MACROD2: variants seen among roughly 807,000 people sequenced by gnomAD.
MACROD2 encodes the protein mono-ADP ribosylhydrolase 2, also known as ADP-ribose glycohydrolase MACROD2.
Under a neutral mutation model 70.4 loss-of-function variants are expected in MACROD2, and 36 were observed. That is an observed-to-expected ratio of 0.51 (90% CI 0.39 to 0.68). The LOEUF (loss-of-function observed/expected upper bound fraction) is 0.68, where lower values mean the gene tolerates loss of function less well. MACROD2 is among the 30% of genes least tolerant of loss of function. MACROD2 has a pLI of 0.00. For missense variants in MACROD2, 496 were observed against 538.4 expected (o/e 0.92, Z 0.78); for synonymous variants, 172 against 178.8 (o/e 0.96, Z 0.30).
chr20:15,508,008 T>C (rs2047450295), intron 8 of MACROD2, among the ~76,000 whole-genome samples: 1 of 152,198 alleles, frequency 6.6e-6, no homozygotes, highest in Non-Finnish European at 1.5e-5. Context: ...CTGTCACCCA[T>C]TCTTACTCTG....
chr20:16,020,107 A>G (rs1328661815), intron 15 of MACROD2, among the ~76,000 whole-genome samples: 1 of 152,116 alleles, frequency 6.6e-6, no homozygotes, highest in Non-Finnish European at 1.5e-5. Flanking sequence ...TGAAACTTCC[A>G]CGGGTCCCAT....
intron 4 of MACROD2, among the ~76,000 whole-genome samples, chr20:14,624,703 G>A (rs1984032715): frequency 6.6e-6 from 1 of 152,184 alleles, no homozygotes; most frequent in South Asian, 2.1e-4. Flanking sequence ...CTTTCCACAT[G>A]TGAGGGACCA....
chr20:15,931,847 T>G lies in MACROD2; in HGVS notation c.776-1429T>G, dbSNP rs75206496. ...ATCTAAATGTTTCCCCATCTGAAAC[T>G]TTCTTCAGTAGGTCGTTTTCCAGAG... On this transcript the variant is annotated intron_variant, in intron 10 of 17. Transcript: ENST00000684519. 3.1e-3 allele frequency among the ~76,000 whole-genome samples: 471 copies of G among 152,280 alleles called. 9 individuals carry two copies. In the East Asian group the frequency reaches 0.062, roughly 20 times the overall value.
At chr20:15,615,118 G>GGAGAC (rs1321236944) in intron 8 of MACROD2, among the ~76,000 whole-genome samples, 2 of 152,102 alleles carry the variant, frequency 1.3e-5, no homozygotes, top group Admixed American at 1.3e-4. Flanking sequence ...GTGGTTCTGA[G>GGAGAC]GAGACGACAG....
At chr20:14,559,507 A>T (rs1167759467) in intron 4 of MACROD2, among the ~76,000 whole-genome samples, 2 of 151,632 alleles carry the variant, frequency 1.3e-5, no homozygotes, top group African/African-American at 4.8e-5. Flanking sequence ...ATATACTCGA[A>T]TTCCTATTAC....
intron 9 of MACROD2, among the ~76,000 whole-genome samples, chr20:15,873,918 T>A (rs1601032093): frequency 1.3e-5 from 2 of 152,122 alleles, no homozygotes; most frequent in African/African-American, 2.4e-5. Flanking sequence ...TATTATTATT[T>A]TTTATTTGTT....
intron 6 of MACROD2, among the ~76,000 whole-genome samples, chr20:15,320,720 A>G (rs970450357): frequency 4.6e-5 from 7 of 152,146 alleles, no homozygotes; most frequent in African/African-American, 1.4e-4. Flanking sequence ...AACATTATCT[A>G]TGGTCATCAG....
chr20:15,078,332 T>C (rs1344055344), intron 5 of MACROD2, among the ~76,000 whole-genome samples: 1 of 152,086 alleles, frequency 6.6e-6, no homozygotes, highest in Admixed American at 6.6e-5. Context: ...AAGTACCCCT[T>C]CTCCTAAGAA....
At chr20:15,311,202 T>C (rs1380127673) in intron 6 of MACROD2, among the ~76,000 whole-genome samples, 1 of 152,136 alleles carries the variant, frequency 6.6e-6, no homozygotes, top group Non-Finnish European at 1.5e-5. Context: ...TAACCTGTAG[T>C]ATTAATGATG....
At chr20:14,459,102 C>CT (rs1393642687) in intron 3 of MACROD2, among the ~76,000 whole-genome samples, 3 of 151,984 alleles carry the variant, frequency 2.0e-5, no homozygotes, top group African/African-American at 7.3e-5. Flanking sequence ...TCTAAGAACT[C>CT]TGAGTCTTGT....
intron 3 of MACROD2, among the ~76,000 whole-genome samples, chr20:14,365,520 G>A (rs761862468): frequency 2.6e-4 from 40 of 151,734 alleles, no homozygotes; most frequent in Admixed American, 5.9e-4. Flanking sequence ...TCTTAGTCCA[G>A]CTAAAGGTTT....
intron 4 of MACROD2, among the ~76,000 whole-genome samples, chr20:14,662,227 A>G (rs1193542048): frequency 6.6e-6 from 1 of 152,134 alleles, no homozygotes; most frequent in Non-Finnish European, 1.5e-5. Flanking sequence ...CCTGACAATA[A>G]CACACAGTAG....
intron 5 of MACROD2, among the ~76,000 whole-genome samples, chr20:14,994,064 A>G (rs2074928836): frequency 6.6e-6 from 1 of 152,180 alleles, no homozygotes; most frequent in Non-Finnish European, 1.5e-5. Flanking sequence ...GACATCCAAG[A>G]GTTTTAGGAT....
chr20:15,485,913 G>A (rs116792992), intron 7 of MACROD2, among the ~76,000 whole-genome samples: 3,344 of 152,156 alleles, frequency 0.022, 130 homozygotes, highest in African/African-American at 0.073. Context: ...TGCAATTATT[G>A]CATGAATCGC....
chr20:14,421,917 T>C (rs1416872360), intron 3 of MACROD2, among the ~76,000 whole-genome samples: 2 of 152,158 alleles, frequency 1.3e-5, no homozygotes, highest in Non-Finnish European at 2.9e-5. Context: ...TCTAATTTGT[T>C]TACAGTTTTG....
intron 6 of MACROD2, among the ~76,000 whole-genome samples, chr20:15,339,822 T>A (rs576638130): frequency 6.6e-6 from 1 of 151,872 alleles, no homozygotes; most frequent in South Asian, 2.1e-4. Context: ...TGGCTACATA[T>A]CATTTGGCCT....
chr20:14,718,235 G>A (rs1415258582), intron 5 of MACROD2, among the ~76,000 whole-genome samples: 1 of 143,010 alleles, frequency 7.0e-6, no homozygotes, highest in African/African-American at 2.6e-5. Flanking sequence ...GGAGGTTGTG[G>A]TGAGCTGAGA....
chr20:14,575,499 T>C (rs1372931806), intron 4 of MACROD2, among the ~76,000 whole-genome samples: 1 of 152,214 alleles, frequency 6.6e-6, no homozygotes, highest in Non-Finnish European at 1.5e-5. Context: ...GTGGGCTCCC[T>C]GAAATAGTGT....
intron 10 of MACROD2, among the ~76,000 whole-genome samples, chr20:15,887,531 C>T (rs528299210): frequency 5.9e-5 from 9 of 152,214 alleles, no homozygotes; most frequent in East Asian, 1.9e-4. Flanking sequence ...CTCTGCTGAG[C>T]GCTTTACTTG....
Sources: allele counts gnomAD v4.1 joint callset (sites outside exome capture counted in the v4.1 genomes callset), GRCh38; gene constraint gnomAD v4.1.1; transcripts MANE v1.5; gene names NCBI Gene and HGNC (gene_info 2026-07-23, HGNC 2026-07-21).